Variants in CTNNA2 observed in about 807,000 individuals in gnomAD.
The protein encoded by CTNNA2 is catenin alpha-2.
In CTNNA2, 42 loss-of-function variants were observed where a neutral mutation model predicts 101.0. The ratio of observed to expected loss-of-function variants is 0.42; its 90% CI spans 0.32 to 0.54. The LOEUF (loss-of-function observed/expected upper bound fraction) is 0.54, where lower values mean the gene tolerates loss of function less well. Ranked by LOEUF, CTNNA2 falls within the 20% of genes least tolerant of loss-of-function variation. The pLI, the probability that CTNNA2 is intolerant of heterozygous loss-of-function variation, is 0.14. For missense variants in CTNNA2, 871 were observed against 1,223.1 expected (o/e 0.71, Z 4.29); for synonymous variants, 450 against 456.4 (o/e 0.99, Z 0.18).
intron 2 of CTNNA2, among the ~76,000 whole-genome samples, chr2:79,286,818 G>T (rs534490762): frequency 6.6e-6 from 1 of 152,220 alleles, no homozygotes; most frequent in Non-Finnish European, 1.5e-5. Context: ...CTAGATTGGG[G>T]AAGTTCTCCT....
In CTNNA2 at chr2:79,790,206, C is replaced by G. The variant is rs149213252; in HGVS notation, c.298+45624C>G. On this transcript the variant is annotated intron_variant, in intron 3 of 18. Coordinates refer to ENST00000402739, the MANE Select transcript of CTNNA2 (RefSeq NM_001282597.3). Reference sequence around the variant, plus strand: ...TAAGTAAAAAGATACAAATGAAACGCTGGGGAAGAGGAAAAGAGGAATTTC... The same window carrying G: ...TAAGTAAAAAGATACAAATGAAACGGTGGGGAAGAGGAAAAGAGGAATTTC... Among the ~76,000 whole-genome samples the G allele has an allele frequency of 2.4e-3, 367 of 152,090 alleles. 2 individuals carry two copies. The highest frequency in any genetic ancestry group is 8.6e-3 in the African/African-American group (356 of 41,482).
chr2:80,111,935 G>T (rs553256822), intron 7 of CTNNA2, among the ~76,000 whole-genome samples: 4 of 152,236 alleles, frequency 2.6e-5, no homozygotes, highest in African/African-American at 7.2e-5. Context: ...TATCCAATAA[G>T]TATTATTAAG....
intron 4 of CTNNA2, 38 bp from the exon 5 acceptor site, chr2:79,869,778 C>T (rs1308371196): frequency 6.3e-7 from 1 of 1,596,952 alleles, no homozygotes; most frequent in South Asian, 1.1e-5. Flanking sequence ...TATTTAAATA[C>T]TATCCACTAA....
At chr2:80,318,451 T>G (rs1039343797) in intron 7 of CTNNA2, among the ~76,000 whole-genome samples, 2 of 152,088 alleles carry the variant, frequency 1.3e-5, no homozygotes, top group African/African-American at 4.8e-5. Flanking sequence ...TAGGTTTGGG[T>G]TTTGCCACTT....
At chr2:80,432,075 A>T (rs564155677) in intron 9 of CTNNA2, among the ~76,000 whole-genome samples, 15 of 152,296 alleles carry the variant, frequency 9.8e-5, no homozygotes, top group African/African-American at 3.6e-4. Flanking sequence ...CATGAAATTA[A>T]TATAAAAATT....
At chr2:79,533,264 C>G (rs999339219) in intron 1 of CTNNA2, among the ~76,000 whole-genome samples, 1 of 152,042 alleles carries the variant, frequency 6.6e-6, no homozygotes, top group African/African-American at 2.4e-5. Flanking sequence ...GTACTCTTGA[C>G]TGAGAATGTC....
At chr2:79,597,089 T>C (rs1376224205) in intron 1 of CTNNA2, among the ~76,000 whole-genome samples, 2 of 152,204 alleles carry the variant, frequency 1.3e-5, no homozygotes, top group African/African-American at 4.8e-5. Flanking sequence ...GTATTAAATA[T>C]TCACAAAATA....
intron 7 of CTNNA2, among the ~76,000 whole-genome samples, chr2:80,125,672 A>G (rs1026703509): frequency 2.0e-5 from 3 of 152,162 alleles, no homozygotes; most frequent in African/African-American, 7.2e-5. Context: ...GCTTTAATCA[A>G]TTGGAGTTGG....
At chr2:80,068,182 C>T (rs1305644098) in intron 7 of CTNNA2, among the ~76,000 whole-genome samples, 1 of 152,186 alleles carries the variant, frequency 6.6e-6, no homozygotes, top group Non-Finnish European at 1.5e-5. Flanking sequence ...ACCCAGCAGG[C>T]AGAGGCTGAG....
At chr2:79,540,159 A>G (rs1673319661) in intron 1 of CTNNA2, among the ~76,000 whole-genome samples, 1 of 152,158 alleles carries the variant, frequency 6.6e-6, no homozygotes, top group Admixed American at 6.5e-5. Flanking sequence ...GGAATGAGTA[A>G]GAGAAAAAGG....
At chr2:79,878,037 A>G (rs190716516) in intron 6 of CTNNA2, among the ~76,000 whole-genome samples, 2 of 151,562 alleles carry the variant, frequency 1.3e-5, no homozygotes, top group East Asian at 1.9e-4. Flanking sequence ...TCATTGTTCA[A>G]CTCCCACTTA....
chr2:80,215,375 A>G (rs143510750), intron 7 of CTNNA2, among the ~76,000 whole-genome samples: 1 of 151,956 alleles, frequency 6.6e-6, no homozygotes, highest in African/African-American at 2.4e-5. Flanking sequence ...TTTCTGCTCT[A>G]TCCCTATCTT....
At chr2:79,913,155 T>A (rs1359098443) in intron 7 of CTNNA2, among the ~76,000 whole-genome samples, 1 of 152,144 alleles carries the variant, frequency 6.6e-6, no homozygotes, top group East Asian at 1.9e-4. Context: ...CAGATAGTGA[T>A]ATATGCAAAG....
At chr2:79,927,431 A>G (rs1451002361) in intron 7 of CTNNA2, among the ~76,000 whole-genome samples, 4 of 152,134 alleles carry the variant, frequency 2.6e-5, no homozygotes, top group South Asian at 2.1e-4. Flanking sequence ...ATGGAAGACA[A>G]TGGAGTCTGA....
chr2:80,384,378 C>T (rs1676799404), intron 7 of CTNNA2, among the ~76,000 whole-genome samples: 1 of 149,270 alleles, frequency 6.7e-6, no homozygotes, highest in Non-Finnish European at 1.5e-5. Flanking sequence ...ATGAGTTTAC[C>T]TATATAAGAA....
At chr2:80,104,190 T>G (rs1700731181) in intron 7 of CTNNA2, among the ~76,000 whole-genome samples, 1 of 152,240 alleles carries the variant, frequency 6.6e-6, no homozygotes, top group Non-Finnish European at 1.5e-5. Flanking sequence ...AAACATGTAC[T>G]TAGCTCCGCT....
intron 1 of CTNNA2, among the ~76,000 whole-genome samples, chr2:79,613,351 G>GT (rs754334641): frequency 0.013 from 1,784 of 141,506 alleles, 16 homozygotes; most frequent in African/African-American, 0.019. Context: ...GTATTCTTTG[G>GT]TTTTTTTTTT....
chr2:79,209,247 T>G (rs1674139350), intron 2 of CTNNA2, among the ~76,000 whole-genome samples: 1 of 152,194 alleles, frequency 6.6e-6, no homozygotes, highest in Non-Finnish European at 1.5e-5. Flanking sequence ...AAGTATACAT[T>G]GTATCTATTT....
chr2:80,016,311 G>A (rs1189945159), intron 7 of CTNNA2, among the ~76,000 whole-genome samples: 1 of 152,152 alleles, frequency 6.6e-6, no homozygotes, highest in East Asian at 1.9e-4. Flanking sequence ...GTCAGCTTTG[G>A]AAGGCAGGGC....
Sources: gnomAD v4.1 joint callset for allele counts (sites outside exome capture counted in the v4.1 genomes callset) on GRCh38, gnomAD v4.1.1 for gene constraint, MANE v1.5 for transcripts, NCBI Gene and HGNC (gene_info 2026-07-23, HGNC 2026-07-21) for gene names.